FOXN2: variants seen among roughly 807,000 people sequenced by gnomAD.
FOXN2 encodes forkhead box N2, also known as forkhead box protein N2.
FOXN2 carries 19 observed loss-of-function variants against 41.2 expected under a neutral mutation model. That is an observed-to-expected ratio of 0.46 (90% CI 0.32 to 0.68). FOXN2 has a LOEUF of 0.68. Among genes scored for constraint, FOXN2 ranks in the 30% least tolerant of loss-of-function variants. The pLI is 0.03. For missense variants in FOXN2, 587 were observed against 509.4 expected, an observed-to-expected ratio of 1.15 and a Z score of -1.47; for synonymous variants, 195 against 176.8, an observed-to-expected ratio of 1.10 and a Z score of -0.82.
chr2:48,348,459 A>G (rs1190486046), intron 3 of FOXN2, among the ~76,000 whole-genome samples: 1 of 152,086 alleles, frequency 6.6e-6, no homozygotes, highest in Non-Finnish European at 1.5e-5. Flanking sequence ...AATGTCTGTC[A>G]GTTTCAATAT....
At chr2:48,316,063 C>G (rs759808346) in intron 1 of FOXN2, among the ~76,000 whole-genome samples, 3 of 152,016 alleles carry the variant, frequency 2.0e-5, no homozygotes, top group Non-Finnish European at 2.9e-5. Context: ...GCTAGCGGCA[C>G]TAGGGGCTGA....
rs200556840 is a variant in FOXN2 at position 48,375,241 on chromosome 2, G to T, written c.1094G>T (p.Ser365Ile). The part of the protein sequence containing the change: ...VDYEDDPLGD[S>I]GYASQPCAKI... ...TATGAAGATGATCCTCTTGGAGACA[G>T]TGGCTATGCATCACAGCCTTGTGCA... The change falls in exon 7 of 7, where the codon AGT (serine) becomes ATT (isoleucine). Residue 365 changes from serine (S) to isoleucine (I), a missense_variant. Ser to Ile is a moderately radical substitution (Grantham distance 142). Transcript: ENST00000340553. 2 of 1,614,092 alleles carry T rather than the reference G, an allele frequency of 1.2e-6. No individual in the cohort carries two copies. Among genetic ancestry groups the T allele is most frequent in the Non-Finnish European group, 1.7e-6 (2 of 1,179,988 alleles).
chr2:48,367,709 G>A (rs1672620917), intron 5 of FOXN2, among the ~76,000 whole-genome samples: 1 of 152,088 alleles, frequency 6.6e-6, no homozygotes, highest in Non-Finnish European at 1.5e-5. Context: ...AAATATGCTC[G>A]ACTTATAACC....
intron 5 of FOXN2, among the ~76,000 whole-genome samples, chr2:48,364,121 C>G (rs1190306334): frequency 6.6e-6 from 1 of 152,026 alleles, no homozygotes; most frequent in Non-Finnish European, 1.5e-5. Context: ...TAACATTTTT[C>G]TATTTTAACA....
intron 3 of FOXN2, among the ~76,000 whole-genome samples, chr2:48,349,118 A>T (rs1671292079): frequency 1.3e-5 from 2 of 152,200 alleles, no homozygotes; most frequent in African/African-American, 4.8e-5. Flanking sequence ...TAATGCCAGG[A>T]ACCATCTCAC....
At position 48,374,954 on chromosome 2, in the gene FOXN2, A is replaced by G. The variant is rs766510215; in HGVS notation, c.807A>G (p.Gln269=). 6.2e-7 allele frequency: 1 copy of G among 1,613,104 alleles called. No individual in the cohort carries two copies. Among genetic ancestry groups the G allele is most frequent in the South Asian group, 1.1e-5 (1 of 91,048 alleles). The change falls in exon 7 of 7, where the codon CAA becomes CAG. Residue 269 remains glutamine (Q), a synonymous_variant. Transcript: ENST00000340553. ...CTCTTCCTCTTAAAACAGCATTGCA[A>G]AAAAAGAGGAGTTACGGCAATGCAT... ...EKPLPLKTAL[Q]KKRSYGNAFH... is the part of the protein sequence containing the mutation.
rs1309676475 is a variant in FOXN2, at chr2:48,346,188, T to A, written c.-14-13T>A. 1 of 1,550,240 alleles carries A rather than the reference T, an allele frequency of 6.5e-7. No individual in the cohort carries two copies. The highest frequency in any genetic ancestry group is 1.4e-5 in the African/African-American group (1 of 72,166). On this transcript the variant is annotated splice_polypyrimidine_tract_variant and intron_variant, in intron 2 of 6. Coordinates refer to ENST00000340553, the MANE Select transcript of FOXN2 (RefSeq NM_002158.4). ...CTAAAGTATTACATTGATAATTGTTTCCTTTGTTGCAGAACTGTAAGAGTA... is the reference window on the plus strand; with the variant it reads ...CTAAAGTATTACATTGATAATTGTTACCTTTGTTGCAGAACTGTAAGAGTA...
rs543351680 is a variant in FOXN2, at chr2:48,347,877, A to T, written c.537+1126A>T. Among the ~76,000 whole-genome samples, 2 of 152,140 alleles carry T rather than the reference A, an allele frequency of 1.3e-5. 1 individual carries two copies. Among genetic ancestry groups the T allele is most frequent in the South Asian group, 4.1e-4 (2 of 4,828 alleles). On this transcript the variant is annotated intron_variant, in intron 3 of 6. Coordinates refer to ENST00000340553, the MANE Select transcript of FOXN2 (RefSeq NM_002158.4). ...TTTTTTTCTTCTATGTATTTTAAAG[A>T]TGATTTATTGTCTTCTGGCTCCCAT...
intron 5 of FOXN2, among the ~76,000 whole-genome samples, chr2:48,368,896 C>T (rs1435066760): frequency 6.6e-6 from 1 of 152,020 alleles, no homozygotes; most frequent in Non-Finnish European, 1.5e-5. Flanking sequence ...CTTTTTTTCA[C>T]AGTTAATTGG....
chr2:48,322,772 C>T (rs1416216525), intron 1 of FOXN2, among the ~76,000 whole-genome samples: 1 of 148,192 alleles, frequency 6.7e-6, no homozygotes, highest in Non-Finnish European at 1.5e-5. Context: ...ATATATAATA[C>T]AATATATATA....
intron 5 of FOXN2, 41 bp downstream of exon 5, chr2:48,362,748 T>C (rs1672277140): frequency 1.3e-6 from 2 of 1,541,664 alleles, no homozygotes; most frequent in South Asian, 1.1e-5. Context: ...CACACAACAA[T>C]CTTTTGGTCA....
chr2:48,369,831 A>G (rs1353540023), intron 5 of FOXN2, among the ~76,000 whole-genome samples: 6 of 151,948 alleles, frequency 3.9e-5, no homozygotes, highest in African/African-American at 1.4e-4. Flanking sequence ...CCATATCTCT[A>G]CAAAAAATAA....
chr2:48,358,800 A>G (rs566200530), intron 3 of FOXN2, among the ~76,000 whole-genome samples: 3 of 152,230 alleles, frequency 2.0e-5, no homozygotes, highest in African/African-American at 7.2e-5. Context: ...TAGAAAAGGC[A>G]TAATATAAAA....
At chr2:48,368,555 G>A (rs1172828937) in intron 5 of FOXN2, among the ~76,000 whole-genome samples, 3 of 152,076 alleles carry the variant, frequency 2.0e-5, no homozygotes, top group African/African-American at 7.2e-5. Flanking sequence ...AGCCGGGCGT[G>A]GTGGTACACA....
chr2:48,351,645 A>G (rs969094981), intron 3 of FOXN2, among the ~76,000 whole-genome samples: 1 of 152,200 alleles, frequency 6.6e-6, no homozygotes, highest in East Asian at 1.9e-4. Flanking sequence ...CCTCACATGC[A>G]CAGTTCACAA....
intron 3 of FOXN2, among the ~76,000 whole-genome samples, chr2:48,357,980 A>G (rs1185486147): frequency 1.3e-5 from 2 of 151,250 alleles, no homozygotes; most frequent in Non-Finnish European, 2.9e-5. Flanking sequence ...TTCTTTCTTT[A>G]TGATAGTGTG....
Position 48,375,276 on chromosome 2 carries a change from G to C in FOXN2, c.1129G>C (p.Glu377Gln), listed in dbSNP as rs1353373629. The part of the protein sequence containing the change: ...YASQPCAKIS[E>Q]KGQSGKKMRK... Reference sequence around the variant, plus strand: ...ATCACAGCCTTGTGCAAAAATCTCTGAAAAAGGGCAGTCAGGCAAAAAGAT... The same window carrying C: ...ATCACAGCCTTGTGCAAAAATCTCTCAAAAAGGGCAGTCAGGCAAAAAGAT... The change falls in exon 7 of 7, where the codon GAA becomes CAA. Residue 377 changes from glutamate to glutamine, a missense_variant. Coordinates refer to ENST00000340553, the MANE Select transcript of FOXN2 (RefSeq NM_002158.4). 2 of 1,613,896 alleles carry C rather than the reference G, an allele frequency of 1.2e-6. No homozygotes were observed. The highest frequency in any genetic ancestry group is 2.7e-5 in the African/African-American group (2 of 74,912).
Position 48,337,308 on chromosome 2 carries a change from A to T in FOXN2, c.-15+8606A>T, listed in dbSNP as rs866691816. Among the ~76,000 whole-genome samples the T allele has an allele frequency of 1.9e-3, 217 of 116,266 alleles. 2 individuals are homozygous for T. Among genetic ancestry groups the T allele is most frequent in the African/African-American group, 6.0e-3 (180 of 30,048 alleles). 76.3% of individuals were successfully genotyped at this position (116,266 alleles called of 152,430 possible). A position where few individuals can be genotyped will look rare whatever the true frequency, so the allele number is the denominator to read the frequency against. The stretch of plus-strand genomic sequence containing the variant: ...TTGGATCTCTTTTTTTTTTTTTTTT[A>T]AAGTGAGACGGAGTTGTCTCCCTTT... On this transcript the variant is annotated intron_variant, in intron 2 of 6. Transcript: ENST00000340553.
chr2:48,314,940 C>T (rs1425784608), intron 1 of FOXN2, 126 bp downstream of exon 1: 1 of 151,938 alleles, frequency 6.6e-6, no homozygotes, highest in Admixed American at 6.6e-5. Context: ...GGCGGCTGTC[C>T]CGTGACGCGC....
Sources: gnomAD v4.1 joint callset for allele counts (sites outside exome capture counted in the v4.1 genomes callset) on GRCh38, gnomAD v4.1.1 for gene constraint, MANE v1.5 for transcripts, NCBI Gene and HGNC (gene_info 2026-07-23, HGNC 2026-07-21) for gene names.